Variants in PTPRR observed in about 807,000 individuals in gnomAD.
PTPRR encodes the protein protein tyrosine phosphatase receptor type R.
PTPRR carries 38 observed loss-of-function variants against 77.2 expected under a neutral mutation model. The observed-to-expected ratio is 0.49, with a 90% CI of 0.38 to 0.65. The LOEUF (loss-of-function observed/expected upper bound fraction) is 0.65, where lower values mean the gene tolerates loss of function less well. Ranked by LOEUF, PTPRR falls within the 30% of genes least tolerant of loss-of-function variation. PTPRR has a pLI of 0.00. For missense variants in PTPRR, 744 were observed against 799.2 expected, an observed-to-expected ratio of 0.93 and a Z score of 0.83; for synonymous variants, 299 against 283.1, an observed-to-expected ratio of 1.06 and a Z score of -0.57.
chr12:70,703,892 C>A (rs1888519920), intron 6 of PTPRR, among the ~76,000 whole-genome samples: 1 of 152,036 alleles, frequency 6.6e-6, no homozygotes, highest in African/African-American at 2.4e-5. Flanking sequence ...AGGTAGAAGT[C>A]ATTTAAGTTG....
chr12:70,889,663 C>T (rs776648148), intron 2 of PTPRR, among the ~76,000 whole-genome samples: 1 of 152,024 alleles, frequency 6.6e-6, no homozygotes, highest in Non-Finnish European at 1.5e-5. Flanking sequence ...CATCATCTTC[C>T]TATGTGCTCA....
At chr12:70,880,812 A>G (rs536008209) in intron 2 of PTPRR, among the ~76,000 whole-genome samples, 1 of 152,288 alleles carries the variant, frequency 6.6e-6, no homozygotes, top group Non-Finnish European at 1.5e-5. Flanking sequence ...CAGATTCTCA[A>G]GTCTCCATGA....
chr12:70,645,008 C>T (rs890062450), intron 13 of PTPRR, among the ~76,000 whole-genome samples: 3 of 152,214 alleles, frequency 2.0e-5, no homozygotes, highest in Middle Eastern at 3.4e-3. Context: ...CAAACGTCAT[C>T]GGGTTGTGAG....
At chr12:70,763,652 A>G (rs1437067852) in intron 3 of PTPRR, among the ~76,000 whole-genome samples, 1 of 152,254 alleles carries the variant, frequency 6.6e-6, no homozygotes, top group Non-Finnish European at 1.5e-5. Flanking sequence ...TGGGTGCAAT[A>G]GAAAGCTGAG....
chr12:70,672,301 G>A lies in PTPRR; in HGVS notation c.1498-9696C>T, dbSNP rs1302223113. 7.6e-6 allele frequency: 12 copies of A among 1,586,516 alleles called. No homozygotes were observed. In the East Asian group the frequency reaches 9.0e-5, roughly 12 times the overall value. On this transcript the variant is annotated intron_variant, in intron 10 of 13. Transcript: ENST00000283228. ...AAGAACAGAATGTGCCCGTGCCCAC[G>A]GAACCGATCAACTTCAGCAAGTTTG... is the stretch of plus-strand genomic sequence containing the variant.
intron 2 of PTPRR, among the ~76,000 whole-genome samples, chr12:70,792,010 A>G (rs766215921): frequency 2.6e-5 from 4 of 152,220 alleles, no homozygotes; most frequent in Non-Finnish European, 4.4e-5. Flanking sequence ...TTTGGACATC[A>G]TCTCCCATTA....
chr12:70,893,197 C>A (rs955245061), intron 1 of PTPRR, among the ~76,000 whole-genome samples: 3 of 151,778 alleles, frequency 2.0e-5, no homozygotes, highest in Non-Finnish European at 2.9e-5. Flanking sequence ...TAAAAGTGGG[C>A]GTACTTTGAA....
At chr12:70,782,255 G>A (rs535161917) in intron 2 of PTPRR, among the ~76,000 whole-genome samples, 2 of 151,922 alleles carry the variant, frequency 1.3e-5, no homozygotes, top group East Asian at 1.9e-4. Flanking sequence ...GTAGGTGAGC[G>A]AATACCAATC....
At chr12:70,874,035 G>T (rs1893006493) in intron 2 of PTPRR, among the ~76,000 whole-genome samples, 2 of 152,118 alleles carry the variant, frequency 1.3e-5, no homozygotes, top group African/African-American at 4.8e-5. Flanking sequence ...ACTGAAAGTG[G>T]TATTCAACAG....
At chr12:70,839,631 G>A (rs966916189) in intron 2 of PTPRR, among the ~76,000 whole-genome samples, 1 of 152,124 alleles carries the variant, frequency 6.6e-6, no homozygotes, top group Non-Finnish European at 1.5e-5. Flanking sequence ...AATGGTGTAA[G>A]AACACCCATA....
chr12:70,786,780 C>T (rs1463834482), intron 2 of PTPRR, among the ~76,000 whole-genome samples: 2 of 152,232 alleles, frequency 1.3e-5, no homozygotes, highest in East Asian at 1.9e-4. Context: ...CCAAGAAACA[C>T]GGTAAAATGA....
intron 2 of PTPRR, among the ~76,000 whole-genome samples, chr12:70,818,901 A>G (rs960919946): frequency 2.6e-5 from 4 of 152,244 alleles, no homozygotes; most frequent in Non-Finnish European, 5.9e-5. Context: ...AATAAAAGTG[A>G]ACAGCCTTAT....
chr12:70,789,404 G>A (rs1290840670), intron 2 of PTPRR, among the ~76,000 whole-genome samples: 1 of 151,914 alleles, frequency 6.6e-6, no homozygotes, highest in Non-Finnish European at 1.5e-5. Context: ...TTAGCAGTCA[G>A]CATGACTTAG....
Position 70,786,650 on chromosome 12 carries a change from G to A in PTPRR, c.358-21872C>T, listed in dbSNP as rs116899610. Reference sequence around the variant, plus strand: ...AGAGTAGTTTGAAGTCTAATGCTCCGTGGAAGTGTGTTATACATTTCCTTT... The same window carrying A: ...AGAGTAGTTTGAAGTCTAATGCTCCATGGAAGTGTGTTATACATTTCCTTT... On this transcript the variant is annotated intron_variant, in intron 2 of 13. Coordinates refer to ENST00000283228, the MANE Select transcript of PTPRR (RefSeq NM_002849.4). Among the ~76,000 whole-genome samples, 81 of 152,282 alleles carry A rather than the reference G, an allele frequency of 5.3e-4. 1 individual carries two copies. In the South Asian group the frequency reaches 0.01, roughly 19 times the overall value.
chr12:70,686,689 T>C (rs1887882756), intron 8 of PTPRR, among the ~76,000 whole-genome samples: 1 of 152,004 alleles, frequency 6.6e-6, no homozygotes, highest in Non-Finnish European at 1.5e-5. Flanking sequence ...AAGAGAGAAA[T>C]AGTGGGGAAC....
intron 2 of PTPRR, among the ~76,000 whole-genome samples, chr12:70,847,763 C>A (rs901862281): frequency 1.1e-4 from 17 of 152,120 alleles, no homozygotes; most frequent in Non-Finnish European, 1.9e-4. Flanking sequence ...TGGCTCTAAG[C>A]ACCAGATGGA....
At chr12:70,885,469 A>G (rs1034626081) in intron 2 of PTPRR, among the ~76,000 whole-genome samples, 3 of 152,106 alleles carry the variant, frequency 2.0e-5, no homozygotes, top group African/African-American at 7.2e-5. Flanking sequence ...AAATACATGC[A>G]TACCTGTACA....
chr12:70,883,270 A>G (rs187675681), intron 2 of PTPRR, among the ~76,000 whole-genome samples: 11 of 152,298 alleles, frequency 7.2e-5, no homozygotes, highest in African/African-American at 2.6e-4. Context: ...TCAAAAAACA[A>G]CAATAAAAAA....
At chr12:70,660,554 G>A (rs1592644707) in intron 12 of PTPRR, among the ~76,000 whole-genome samples, 1 of 152,304 alleles carries the variant, frequency 6.6e-6, no homozygotes, top group East Asian at 1.9e-4. Flanking sequence ...CACATGTCAT[G>A]TTGAAACAAC....
Sources: allele counts gnomAD v4.1 joint callset (sites outside exome capture counted in the v4.1 genomes callset), GRCh38; gene constraint gnomAD v4.1.1; transcripts MANE v1.5; gene names NCBI Gene and HGNC (gene_info 2026-07-23, HGNC 2026-07-21).